UBAP2L: variants seen among roughly 807,000 people sequenced by gnomAD.
The protein encoded by UBAP2L is ubiquitin-associated protein 2-like.
In UBAP2L, 12 loss-of-function variants were observed where a neutral mutation model predicts 130.6. The observed-to-expected ratio is 0.09, with a 90% confidence interval of 0.06 to 0.15. The LOEUF is 0.15. UBAP2L is among the 10% of genes least tolerant of loss of function. UBAP2L has a pLI of 1.00. For synonymous variants in UBAP2L, 503 were observed against 524.7 expected, an observed-to-expected ratio of 0.96 and a Z score of 0.57; for missense variants, 965 against 1,332.5, an observed-to-expected ratio of 0.72 and a Z score of 4.29.
chr1:154,234,747 C>T lies in UBAP2L; in HGVS notation c.436C>T (p.Arg146Cys), dbSNP rs1217778712. ...ACCAAGACGGGGGAGAGGTGCCAGC[C>T]GTGGACGAGAGTGTATGCATGGGGC... is the stretch of plus-strand genomic sequence containing the variant. ...GPPRRGRGAS[R>C]GREFRGQENG... The change falls in exon 5 of 27, where the codon CGT becomes TGT. Residue 146 changes from arginine (R) to cysteine (C), a missense_variant. Physicochemically the swap from Arg to Cys is radical, Grantham distance 180. This residue lies in a region of UBAP2L where 109 missense variants were observed against 146.6 expected (regional missense o/e 0.74). Transcript: ENST00000428931. 3.1e-6 allele frequency: 5 copies of T among 1,597,788 alleles called. No homozygotes were observed. Among genetic ancestry groups the T allele is most frequent in the South Asian group, 2.2e-5 (2 of 89,004 alleles).
At chr1:154,230,418 GA>G (rs1669463798) in intron 4 of UBAP2L, among the ~76,000 whole-genome samples, 1 of 152,182 alleles carries the variant, frequency 6.6e-6, no homozygotes, top group African/African-American at 2.4e-5. Flanking sequence ...AAAAACAATT[GA>G]ATTTAAATTG....
At chr1:154,253,859 C>CT in intron 14 of UBAP2L, 41 bp from the exon 15 acceptor site, 1 of 1,599,780 alleles carries the variant, frequency 6.3e-7, no homozygotes, top group Non-Finnish European at 8.6e-7. Flanking sequence ...TAGATATGCT[C>CT]TATTTTGTTT....
chr1:154,267,937 T>C (rs1290844937), intron 25 of UBAP2L, among the ~76,000 whole-genome samples: 1 of 138,930 alleles, frequency 7.2e-6, no homozygotes, highest in South Asian at 2.4e-4. Context: ...TTGCCCAGGC[T>C]GGAGTGTAAT....
At chr1:154,257,032 C>T in intron 18 of UBAP2L, 31 bp from the exon 19 acceptor site, 1 of 1,599,132 alleles carries the variant, frequency 6.3e-7, no homozygotes, top group Non-Finnish European at 8.5e-7. Context: ...CTCTTTTCTT[C>T]TTCTCTCTTC....
At chr1:154,268,643 G>T (rs1346945689) in intron 25 of UBAP2L, 114 bp from the exon 26 acceptor site, 14 of 983,738 alleles carry the variant, frequency 1.4e-5, no homozygotes, top group Non-Finnish European at 2.0e-5. Flanking sequence ...AGTGTACTGT[G>T]CCTTCTGTGA....
rs1414021481 is a variant in UBAP2L, at chr1:154,268,891, T to C, written c.3105T>C (p.Ile1035=). The C allele has an allele frequency of 4.4e-6, 7 of 1,602,212 alleles. No individual in the cohort carries two copies. Among genetic ancestry groups the C allele is most frequent in the Non-Finnish European group, 6.0e-6 (7 of 1,173,570 alleles). ...AAYPPAPFMH[I]LTPHQQPHSQ... is the part of the protein sequence containing the mutation. ...ACCCACCTGCCCCCTTTATGCACAT[T>C]CTGACCCCCCATCAGCAGCCGCATT... The change falls in exon 26 of 27, where the codon ATT becomes ATC. Residue 1035 remains isoleucine, a synonymous_variant. Transcript: ENST00000428931.
At chr1:154,245,913 GAAAC>G (rs34188388) in intron 10 of UBAP2L, among the ~76,000 whole-genome samples, 23,279 of 151,744 alleles carry the variant, frequency 0.15, 2,169 homozygotes, top group East Asian at 0.44. Flanking sequence ...AGACTTTCTC[GAAAC>G]AAACAAACAA....
At position 154,251,803 on chromosome 1, in the gene UBAP2L, T is replaced by C. The variant is rs1677688674; in HGVS notation, c.1664+150T>C. On this transcript the variant is annotated intron_variant, in intron 14 of 26. Coordinates refer to ENST00000428931, the MANE Select transcript of UBAP2L (RefSeq NM_014847.4). ...TCATAGCATTTTTAGTGCTTTAAAA[T>C]ATTGTTATTAGGGTTATCTGTAACT... 4.6e-6 allele frequency: 4 copies of C among 864,174 alleles called. No individual in the cohort carries two copies. The East Asian group carries it at 1.1e-4, about 23-fold the overall frequency. 53.5% of individuals were successfully genotyped at this position (864,174 alleles called of 1,614,324 possible).
Position 154,253,938 on chromosome 1 carries a change from A to G in UBAP2L, c.1703A>G (p.Glu568Gly), listed in dbSNP as rs1439060227. 2 of 1,614,068 alleles carry G rather than the reference A, an allele frequency of 1.2e-6. No homozygotes were observed. The highest frequency in any genetic ancestry group is 2.2e-5 in the East Asian group (1 of 44,882). The change falls in exon 15 of 27, where the codon GAG (glutamate) becomes GGG (glycine). Residue 568 changes from glutamate to glycine, a missense_variant. Transcript: ENST00000428931. The part of the protein sequence containing the change: ...SSTISSNQSQ[E>G]SGYQSGPIQS... ...ACAATTTCATCTAACCAGAGTCAGG[A>G]GTCTGGTTATCAGAGCGGCCCAATT...
intron 11 of UBAP2L, 38 bp downstream of exon 11, chr1:154,246,413 C>T (rs1419961449): frequency 6.3e-7 from 1 of 1,586,154 alleles, no homozygotes; most frequent in Non-Finnish European, 8.6e-7. Flanking sequence ...TCAAACCTTC[C>T]TGCTAATCCT....
intron 4 of UBAP2L, 105 bp downstream of exon 4, chr1:154,228,830 T>C (rs1668834498): frequency 2.6e-6 from 2 of 757,016 alleles, no homozygotes; most frequent in Admixed American, 5.9e-5. Flanking sequence ...AGCACCTTTT[T>C]CTTGAAGTAA....
chr1:154,241,288 A>G (rs1673530834), intron 8 of UBAP2L, among the ~76,000 whole-genome samples: 1 of 152,038 alleles, frequency 6.6e-6, no homozygotes, highest in Non-Finnish European at 1.5e-5. Flanking sequence ...GGGTTTCTCC[A>G]TGTTGGTCAG....
intron 17 of UBAP2L, 47 bp downstream of exon 17, chr1:154,255,373 C>T (rs1310461741): frequency 6.2e-7 from 1 of 1,600,356 alleles, no homozygotes; most frequent in South Asian, 1.1e-5. Context: ...ATAGCAATAA[C>T]AGAGCTCTCT....
chr1:154,252,026 T>A (rs1484362882), intron 14 of UBAP2L, among the ~76,000 whole-genome samples: 1 of 152,168 alleles, frequency 6.6e-6, no homozygotes, highest in Non-Finnish European at 1.5e-5. Flanking sequence ...TAGGCTGGAA[T>A]GCAGTGGTGC....
chr1:154,271,076 T>G, downstream of UBAP2L: 3 of 860,506 alleles, frequency 3.5e-6, no homozygotes, highest in Non-Finnish European at 5.2e-6. Context: ...TTTCACAACC[T>G]GGTGACTGGA....
chr1:154,238,417 C>G (rs1441454402), intron 8 of UBAP2L, among the ~76,000 whole-genome samples: 1 of 152,174 alleles, frequency 6.6e-6, no homozygotes, highest in African/African-American at 2.4e-5. Flanking sequence ...TGTTTTTGAG[C>G]TGTAGCTTAT....
chr1:154,270,791 T>C lies in UBAP2L; in HGVS notation c.*496T>C. On this transcript the variant is annotated 3_prime_UTR_variant, in exon 27 of 27. Transcript: ENST00000428931. ...TTTTGTTTTTTTTTTTTTTTTGTAC[T>C]GTGTCCTCAAATTTAATGGATTAAT... is the stretch of plus-strand genomic sequence containing the variant. 9.0e-7 allele frequency: 1 copy of C among 1,116,546 alleles called. No homozygotes were observed. The highest frequency in any genetic ancestry group is 1.2e-6 in the Non-Finnish European group (1 of 849,638). The allele number at this position is 1,116,546 out of a possible 1,614,324, so 69.2% of individuals were successfully genotyped here. A position where few individuals can be genotyped will look rare whatever the true frequency, so the allele number is the denominator to read the frequency against.
At position 154,260,939 on chromosome 1, in the gene UBAP2L, G is replaced by A. The variant is rs777025988; in HGVS notation, c.2626G>A (p.Ala876Thr). The change falls in exon 23 of 27, where the codon GCC (alanine) becomes ACC (threonine). Residue 876 changes from alanine (A) to threonine (T), a missense_variant. By Grantham distance (58) the Ala-to-Thr change is moderately conservative (BLOSUM62 0). This residue lies in a region of UBAP2L where 194 missense variants were observed against 334.0 expected (regional missense o/e 0.58). Transcript: ENST00000428931. ...GRGDASSPAP[A>T]TTLAQPQQNQ... ...TGGGGATGCCTCCTCCCCAGCCCCG[G>A]CCACAACCTTGGCCCAACCCCAACA... The A allele has an allele frequency of 7.4e-6, 12 of 1,614,164 alleles. No homozygotes were observed. The highest frequency in any genetic ancestry group is 1.0e-5 in the Non-Finnish European group (12 of 1,180,030).
intron 8 of UBAP2L, among the ~76,000 whole-genome samples, chr1:154,238,488 T>C (rs1672403388): frequency 6.6e-6 from 1 of 152,188 alleles, no homozygotes; most frequent in African/African-American, 2.4e-5. Context: ...AAAGTTTGTT[T>C]TTAGTTGTGA....
Sources: gnomAD v4.1 joint callset for allele counts (sites outside exome capture counted in the v4.1 genomes callset) on GRCh38, gnomAD v4.1.1 for gene constraint, gnomAD v4.1.1 regional missense constraint, MANE v1.5 for transcripts, NCBI Gene and HGNC (gene_info 2026-07-23, HGNC 2026-07-21) for gene names.